Variants in PSMA3 observed in about 807,000 individuals in gnomAD.
PSMA3 encodes the protein proteasome subunit alpha type-3.
A neutral mutation model predicts 40.0 loss-of-function variants in PSMA3; 8 were observed. The ratio of observed to expected loss-of-function variants is 0.20; its 90% CI spans 0.12 to 0.36. PSMA3 has a LOEUF of 0.36. Among genes scored for constraint, PSMA3 ranks in the 10% least tolerant of loss-of-function variants. PSMA3 has a pLI of 1.00. For missense variants in PSMA3, 219 were observed against 310.6 expected (o/e 0.70, Z 2.22); for synonymous variants, 110 against 100.0 (o/e 1.10, Z -0.59).
chr14:58,262,008 C>T lies in PSMA3; in HGVS notation c.477+988C>T, dbSNP rs548904983. 9.9e-5 allele frequency among the ~76,000 whole-genome samples: 15 copies of T among 151,962 alleles called. No individual in the cohort carries two copies. The South Asian group carries it at 3.1e-3, about 32-fold the overall frequency. On this transcript the variant is annotated intron_variant, in intron 6 of 10. Transcript: ENST00000216455. ...GTGGCTCGATCTTGGTTCACTGCAACCTCTTCCGCCTCCTAGGTTCAAGCA... is the reference window on the plus strand; with the variant it reads ...GTGGCTCGATCTTGGTTCACTGCAATCTCTTCCGCCTCCTAGGTTCAAGCA...
intron 8 of PSMA3, among the ~76,000 whole-genome samples, chr14:58,269,281 T>C (rs546292377): frequency 2.6e-5 from 4 of 152,200 alleles, no homozygotes; most frequent in East Asian, 3.9e-4. Context: ...AGTGCCTCCT[T>C]CTTTGCTGTA....
chr14:58,259,378 G>A (rs1438947160), intron 5 of PSMA3, among the ~76,000 whole-genome samples: 9 of 151,972 alleles, frequency 5.9e-5, no homozygotes, highest in East Asian at 3.9e-4. Context: ...GCAGTGGCAC[G>A]ATCTCAGGTC....
chr14:58,258,102 C>T (rs1426070120), intron 5 of PSMA3, 104 bp downstream of exon 5: 3 of 706,660 alleles, frequency 4.2e-6, no homozygotes, highest in East Asian at 5.7e-5. Flanking sequence ...AGAAACTCGT[C>T]GATAAGTATT....
chr14:58,254,981 A>C lies in PSMA3; in HGVS notation c.228+2739A>C, dbSNP rs534759935. On this transcript the variant is annotated intron_variant, in intron 3 of 10. Coordinates refer to ENST00000216455, the MANE Select transcript of PSMA3 (RefSeq NM_002788.4). ...TATTACTGGGTAGCGTAGGAAAAAA[A>C]GGCTATTAAAGATTGTGATACCACT... Among the ~76,000 whole-genome samples, 4 of 152,280 alleles carry C rather than the reference A, an allele frequency of 2.6e-5. No individual in the cohort carries two copies. In the South Asian group the frequency reaches 8.3e-4, roughly 32 times the overall value.
At position 58,244,893 on chromosome 14, in the gene PSMA3, C is replaced by G. The variant is rs187984170; in HGVS notation, c.-28C>G. The G allele has an allele frequency of 6.2e-7, 1 of 1,614,202 alleles. No homozygotes were observed. The highest frequency in any genetic ancestry group is 1.1e-5 in the South Asian group (1 of 91,086). On this transcript the variant is annotated 5_prime_UTR_variant, in exon 1 of 11. The change creates a new upstream start codon in the 5' untranslated region. Transcript: ENST00000216455. ...AGGGGAAGCGCTCCGGGCCTGGAAT[C>G]CCTACGCGTCCCTTTGGGTTTAGCA...
chr14:58,261,005 A>G lies in PSMA3; in HGVS notation c.462A>G (p.Pro154=). 1 of 1,609,034 alleles carries G rather than the reference A, an allele frequency of 6.2e-7. No homozygotes were observed. The change falls in exon 6 of 11, where the codon CCA becomes CCG. Residue 154 remains proline (P), a synonymous_variant. Transcript: ENST00000216455. ...NDGAQLYMID[P]SGVSYGYWGC... is the part of the protein sequence containing the mutation. ...GTGCGCAACTCTACATGATTGACCCATCAGGTGTTTCATACGTGAGTAATT... is the reference window on the plus strand; with the variant it reads ...GTGCGCAACTCTACATGATTGACCCGTCAGGTGTTTCATACGTGAGTAATT...
In PSMA3 at chr14:58,269,301, G is replaced by A. The variant is rs567780823; in HGVS notation, c.591-1117G>A. ...CTCCTTCTTTGCTGTAATTTGTAAG[G>A]TACTACAATGTGAAGGCCAGGTTAT... On this transcript the variant is annotated intron_variant, in intron 8 of 10. Coordinates refer to ENST00000216455, the MANE Select transcript of PSMA3 (RefSeq NM_002788.4). 4.2e-4 allele frequency among the ~76,000 whole-genome samples: 64 copies of A among 152,090 alleles called. No homozygotes were observed. The South Asian group carries it at 0.013, about 32-fold the overall frequency.
chr14:58,259,046 G>C (rs896001411), intron 5 of PSMA3, among the ~76,000 whole-genome samples: 4 of 152,122 alleles, frequency 2.6e-5, no homozygotes, highest in African/African-American at 7.2e-5. Flanking sequence ...TCCTACCTCA[G>C]CCTCCCAAGT....
chr14:58,264,474 C>A (rs1890376325), intron 7 of PSMA3, among the ~76,000 whole-genome samples: 1 of 152,188 alleles, frequency 6.6e-6, no homozygotes, highest in Admixed American at 6.5e-5. Flanking sequence ...TTAAAGACTT[C>A]ATGGATACTG....
intron 7 of PSMA3, chr14:58,266,581 G>A (rs1186120354): frequency 6.6e-6 from 1 of 152,176 alleles, no homozygotes; most frequent in Non-Finnish European, 1.5e-5. Flanking sequence ...ATTTCCAAAT[G>A]TTCATTGAAA....
At chr14:58,264,034 G>C (rs1386783116) in intron 7 of PSMA3, among the ~76,000 whole-genome samples, 1 of 152,204 alleles carries the variant, frequency 6.6e-6, no homozygotes, top group African/African-American at 2.4e-5. Context: ...GTTTGATGTT[G>C]AGAGTTTATG....
At chr14:58,255,384 T>C (rs1388557062) in intron 3 of PSMA3, among the ~76,000 whole-genome samples, 2 of 152,210 alleles carry the variant, frequency 1.3e-5, no homozygotes, top group South Asian at 2.1e-4. Context: ...ACAGCCAAGC[T>C]TCTCAAAGAT....
chr14:58,261,179 AT>A (rs11402145), intron 6 of PSMA3, among the ~76,000 whole-genome samples, 159 bp downstream of exon 6: 67 of 142,436 alleles, frequency 4.7e-4, no homozygotes, highest in African/African-American at 1.3e-3. Flanking sequence ...GTCCAACAGA[AT>A]TTTTTTTTTT....
intron 9 of PSMA3, 88 bp from the exon 10 acceptor site, chr14:58,270,846 T>C: frequency 9.0e-7 from 1 of 1,114,066 alleles, no homozygotes; most frequent in South Asian, 1.6e-5. Context: ...GAGTCAGATA[T>C]GTGGATTGGG....
At position 58,252,250 on chromosome 14, in the gene PSMA3, C is replaced by G; in HGVS notation, c.228+8C>G. On this transcript the variant is annotated splice_region_variant and intron_variant, in intron 3 of 10. Coordinates refer to ENST00000216455, the MANE Select transcript of PSMA3 (RefSeq NM_002788.4). ...GATCGGCATGTTGGAATGGTAAGGT[C>G]ATGTTTAAAATGTTCCTTTTTGTCT... The G allele has an allele frequency of 6.2e-7, 1 of 1,603,736 alleles. No individual in the cohort carries two copies. The highest frequency in any genetic ancestry group is 8.5e-7 in the Non-Finnish European group (1 of 1,177,310).
chr14:58,271,050 T>G, intron 10 of PSMA3, 52 bp downstream of exon 10: 216 of 1,349,730 alleles, frequency 1.6e-4, no homozygotes, highest in Middle Eastern at 2.1e-4. Flanking sequence ...AGGGAATCAC[T>G]TAGCCCAGGA....
chr14:58,270,966 G>A lies in PSMA3; in HGVS notation c.691G>A (p.Asp231Asn), dbSNP rs749734807. The A allele has an allele frequency of 1.2e-6, 2 of 1,608,662 alleles. No homozygotes were observed. The change falls in exon 10 of 11, where the codon GAT becomes AAT. Residue 231 changes from aspartate to asparagine, a missense_variant. Transcript: ENST00000216455. ...TNGRHEIVPK[D>N]IREEAEKYAK... is the part of the protein sequence containing the mutation. ...TGGAAGACATGAAATTGTTCCAAAA[G>A]ATATAAGAGAAGAAGCAGAGAAATA...
At chr14:58,253,153 T>A (rs1024622218) in intron 3 of PSMA3, among the ~76,000 whole-genome samples, 7 of 151,976 alleles carry the variant, frequency 4.6e-5, no homozygotes, top group African/African-American at 1.7e-4. Flanking sequence ...CCCAGCTAAT[T>A]TTTATATTTT....
At chr14:58,266,633 AC>A (rs768980932) in intron 7 of PSMA3, 28 of 152,318 alleles carry the variant, frequency 1.8e-4, no homozygotes, top group Admixed American at 1.1e-3. Context: ...TTGGCTTCCC[AC>A]TTCTGCTTTA....
Sources: gnomAD v4.1 joint callset for allele counts (sites outside exome capture counted in the v4.1 genomes callset) on GRCh38, gnomAD v4.1.1 for gene constraint, MANE v1.5 for transcripts, NCBI Gene and HGNC (gene_info 2026-07-23, HGNC 2026-07-21) for gene names.